The following RALGPS2 variants were observed in gnomAD, a reference collection of about 807,000 sequenced individuals.
RALGPS2 encodes ras-specific guanine nucleotide-releasing factor RalGPS2.
A neutral mutation model predicts 86.8 loss-of-function variants in RALGPS2; 43 were observed. The observed-to-expected ratio is 0.50, with a 90% confidence interval of 0.39 to 0.64. The LOEUF is 0.64. Ranked by LOEUF, RALGPS2 falls within the 30% of genes least tolerant of loss-of-function variation. The pLI, the probability that RALGPS2 is intolerant of heterozygous loss-of-function variation, is 0.00. For synonymous variants in RALGPS2, 243 were observed against 231.3 expected, an observed-to-expected ratio of 1.05 and a Z score of -0.46; for missense variants, 536 against 694.6, an observed-to-expected ratio of 0.77 and a Z score of 2.57.
At chr1:178,891,889 C>A (rs529870729) in intron 14 of RALGPS2, among the ~76,000 whole-genome samples, 1 of 147,708 alleles carries the variant, frequency 6.8e-6, no homozygotes, top group Non-Finnish European at 1.5e-5. Flanking sequence ...GGTATAGAAA[C>A]GTAAGAATTT....
intron 8 of RALGPS2, among the ~76,000 whole-genome samples, chr1:178,834,808 C>A (rs937419088): frequency 6.6e-6 from 1 of 152,192 alleles, no homozygotes. Context: ...GAGACAGCCT[C>A]GCTCTGTTTC....
intron 19 of RALGPS2, among the ~76,000 whole-genome samples, chr1:178,909,058 T>C (rs1305282685): frequency 2.6e-5 from 4 of 152,218 alleles, no homozygotes; most frequent in African/African-American, 4.8e-5. Flanking sequence ...AAGTCTTTAA[T>C]CCATCTTGAG....
rs566777872 is a variant in RALGPS2 at position 178,905,064 on chromosome 1, A to T, written c.1631-1712A>T. ...GTAGTTTCCTTGTAGAGCTCTTTCG[A>T]CTCCTTTGTTAGGTATATTCCTAAG... On this transcript the variant is annotated intron_variant, in intron 18 of 19. Coordinates refer to ENST00000367635, the MANE Select transcript of RALGPS2 (RefSeq NM_152663.5). Among the ~76,000 whole-genome samples the T allele has an allele frequency of 6.7e-5, 10 of 148,832 alleles. No individual in the cohort carries two copies. In the South Asian group the frequency reaches 2.1e-3, roughly 32 times the overall value.
At chr1:178,811,180 A>G (rs188906853) in intron 5 of RALGPS2, 135 bp from the exon 6 acceptor site, 45 of 539,798 alleles carry the variant, frequency 8.3e-5, no homozygotes, top group African/African-American at 7.9e-4. Context: ...CCACAGAAAA[A>G]CCTGCTATAA....
At chr1:178,843,919 C>A (rs375299146) in intron 8 of RALGPS2, among the ~76,000 whole-genome samples, 2 of 152,122 alleles carry the variant, frequency 1.3e-5, no homozygotes, top group Admixed American at 6.6e-5. Context: ...GTATGAAAAT[C>A]ATCCTTTTAA....
intron 1 of RALGPS2, among the ~76,000 whole-genome samples, chr1:178,737,760 A>G (rs1650800856): frequency 6.6e-6 from 1 of 152,124 alleles, no homozygotes; most frequent in Non-Finnish European, 1.5e-5. Flanking sequence ...ACAATTGTCA[A>G]AAAGTTAAAT....
intron 17 of RALGPS2, among the ~76,000 whole-genome samples, chr1:178,898,604 C>G (rs909097760): frequency 6.6e-6 from 1 of 151,878 alleles, no homozygotes; most frequent in Non-Finnish European, 1.5e-5. Flanking sequence ...CACCTGCCAC[C>G]CTCCTGATCA....
At chr1:178,801,464 T>G (rs1353983794) in intron 4 of RALGPS2, among the ~76,000 whole-genome samples, 1 of 152,158 alleles carries the variant, frequency 6.6e-6, no homozygotes, top group Non-Finnish European at 1.5e-5. Context: ...GTTTCATCAT[T>G]ATAATTTATC....
At chr1:178,888,311 TAG>T (rs1280674288) in intron 13 of RALGPS2, among the ~76,000 whole-genome samples, 4 of 152,180 alleles carry the variant, frequency 2.6e-5, no homozygotes. Flanking sequence ...CATAAGATGA[TAG>T]GTGTTAATAT....
chr1:178,913,940 A>G (rs1660717074), intron 19 of RALGPS2, among the ~76,000 whole-genome samples: 1 of 152,180 alleles, frequency 6.6e-6, no homozygotes, highest in Non-Finnish European at 1.5e-5. Flanking sequence ...CACTGTTGAA[A>G]GTGTTCTGGC....
chr1:178,901,461 A>C (rs1341408704), intron 17 of RALGPS2, among the ~76,000 whole-genome samples: 1 of 152,112 alleles, frequency 6.6e-6, no homozygotes, highest in Admixed American at 6.6e-5. Flanking sequence ...AGCTTAAGCC[A>C]ACCTGTTCTT....
At chr1:178,906,257 C>T (rs1660383034) in intron 18 of RALGPS2, among the ~76,000 whole-genome samples, 1 of 152,114 alleles carries the variant, frequency 6.6e-6, no homozygotes, top group Non-Finnish European at 1.5e-5. Flanking sequence ...CACCTGTAAT[C>T]CCAGCTTATT....
intron 8 of RALGPS2, among the ~76,000 whole-genome samples, chr1:178,857,827 G>A (rs746699991): frequency 2.1e-4 from 32 of 152,092 alleles, no homozygotes; most frequent in Non-Finnish European, 3.7e-4. Context: ...AAACATCAGT[G>A]TTCTGAATGT....
intron 8 of RALGPS2, among the ~76,000 whole-genome samples, chr1:178,840,040 A>C (rs1313794302): frequency 6.6e-6 from 1 of 152,166 alleles, no homozygotes; most frequent in East Asian, 1.9e-4. Flanking sequence ...AGACTCCCAC[A>C]CAATAATAAT....
In RALGPS2 at chr1:178,733,707, G is replaced by A. The variant is rs563386316; in HGVS notation, c.-84+8288G>A. ...ATGCTCTGTGATCCACCAGTTTCAT[G>A]TCTGGGGATAGACCTGATAGAAATC... is the stretch of plus-strand genomic sequence containing the variant. On this transcript the variant is annotated intron_variant, in intron 1 of 19. Transcript: ENST00000367635. Among the ~76,000 whole-genome samples, 3 of 152,344 alleles carry A rather than the reference G, an allele frequency of 2.0e-5. No homozygotes were observed. The East Asian group carries it at 5.8e-4, about 29-fold the overall frequency.
At position 178,880,067 on chromosome 1, in the gene RALGPS2, T is replaced by G. The variant is rs578177283; in HGVS notation, c.836+1075T>G. On this transcript the variant is annotated intron_variant, in intron 10 of 19. Coordinates refer to ENST00000367635, the MANE Select transcript of RALGPS2 (RefSeq NM_152663.5). Reference sequence around the variant, plus strand: ...GTTTATTTAGCTTTATTATCCCATTTGTTCGCAAGCTTTCAAATTGAATTT... The same window carrying G: ...GTTTATTTAGCTTTATTATCCCATTGGTTCGCAAGCTTTCAAATTGAATTT... 2.4e-3 allele frequency among the ~76,000 whole-genome samples: 371 copies of G among 152,314 alleles called. 2 individuals are homozygous for G. The highest frequency in any genetic ancestry group is 2.7e-3 in the Non-Finnish European group (185 of 68,018).
At chr1:178,782,828 C>CTTGAGTCTTGT (rs1488421762) in intron 2 of RALGPS2, among the ~76,000 whole-genome samples, 3 of 152,082 alleles carry the variant, frequency 2.0e-5, no homozygotes, top group African/African-American at 7.2e-5. Context: ...ACTCAGACAC[C>CTTGAGTCTTGT]TATAACAACA....
intron 13 of RALGPS2, among the ~76,000 whole-genome samples, chr1:178,886,487 A>G (rs951132578): frequency 2.0e-5 from 3 of 152,356 alleles, no homozygotes; most frequent in Non-Finnish European, 4.4e-5. Context: ...GAGAAGACAG[A>G]GTAATAATCT....
At chr1:178,729,447 A>G (rs966817838) in intron 1 of RALGPS2, among the ~76,000 whole-genome samples, 3 of 152,180 alleles carry the variant, frequency 2.0e-5, no homozygotes, top group Non-Finnish European at 4.4e-5. Flanking sequence ...TTTGTGGGGT[A>G]TTGTTATTAA....
Sources: allele counts gnomAD v4.1 joint callset (sites outside exome capture counted in the v4.1 genomes callset), GRCh38; gene constraint gnomAD v4.1.1; transcripts MANE v1.5; gene names NCBI Gene and HGNC (gene_info 2026-07-23, HGNC 2026-07-21).